Variants in CD276 observed in about 807,000 individuals in gnomAD.
The protein encoded by CD276 is CD276 antigen.
In CD276, 34 loss-of-function variants were observed where a neutral mutation model predicts 50.0. That is an observed-to-expected ratio of 0.68 (90% CI 0.52 to 0.91). The LOEUF (loss-of-function observed/expected upper bound fraction) is 0.91. Among genes scored for constraint, CD276 ranks in the 40% least tolerant of loss-of-function variants. CD276 has a pLI of 0.00. For synonymous variants in CD276, 275 were observed against 313.0 expected, an observed-to-expected ratio of 0.88 and a Z score of 1.28; for missense variants, 634 against 717.5, an observed-to-expected ratio of 0.88 and a Z score of 1.33.
At chr15:73,703,397 C>T (rs797003051) in intron 4 of CD276, among the ~76,000 whole-genome samples, 11 of 152,208 alleles carry the variant, frequency 7.2e-5, no homozygotes, top group Admixed American at 2.6e-4. Context: ...AGGGCTGGAG[C>T]TGGTGAGAGT....
Position 73,702,761 on chromosome 15 carries a change from G to C in CD276, c.419-11G>C, listed in dbSNP as rs1286351853. ...GCCCTGCCCTTGACCCCTGCCCTCT[G>C]TCACCTCCAGCTCCCTACTCGAAGC... is the stretch of plus-strand genomic sequence containing the variant. On this transcript the variant is annotated splice_polypyrimidine_tract_variant and intron_variant, in intron 3 of 9. Transcript: ENST00000318443. 1.2e-6 allele frequency: 2 copies of C among 1,606,522 alleles called. No homozygotes were observed. The highest frequency in any genetic ancestry group is 1.7e-5 in the Admixed American group (1 of 59,194).
rs1900051980 is a variant in CD276 at position 73,693,272 on chromosome 15, T to C, written c.-54-6314T>C. 2.0e-5 allele frequency among the ~76,000 whole-genome samples: 3 copies of C among 152,168 alleles called. No homozygotes were observed. The South Asian group carries it at 6.2e-4, about 31-fold the overall frequency. On this transcript the variant is annotated intron_variant, in intron 1 of 9. Coordinates refer to ENST00000318443, the MANE Select transcript of CD276 (RefSeq NM_001024736.2). Reference sequence around the variant, plus strand: ...CTTTTTTTAATCCACCAACAAATTATTGAGCATTGTCTATGCACCAGAACA... The same window carrying C: ...CTTTTTTTAATCCACCAACAAATTACTGAGCATTGTCTATGCACCAGAACA...
At chr15:73,700,551 C>A (rs995828509) in intron 2 of CD276, among the ~76,000 whole-genome samples, 1 of 152,158 alleles carries the variant, frequency 6.6e-6, no homozygotes, top group Non-Finnish European at 1.5e-5. Context: ...ATGTCCCCTC[C>A]AAGGGGCACC....
Position 73,703,971 on chromosome 15 carries a change from G to A in CD276, c.1046G>A (p.Ser349Asn), listed in dbSNP as rs968897205. 1.9e-6 allele frequency: 3 copies of A among 1,610,958 alleles called. No homozygotes were observed. Among genetic ancestry groups the A allele is most frequent in the Non-Finnish European group, 2.5e-6 (3 of 1,179,430 alleles). ...TCFVSIRDFG[S>N]AAVSLQVAAP... The stretch of plus-strand genomic sequence containing the variant: ...TTCGTGAGCATCCGGGATTTCGGCA[G>A]CGCTGCCGTCAGCCTGCAGGTGGCC... Residue 349 changes from serine to asparagine, a missense_variant, in exon 5 of 10, where the codon AGC becomes AAC. Physicochemically the swap from Ser to Asn is conservative, Grantham distance 46. Coordinates refer to ENST00000318443, the MANE Select transcript of CD276 (RefSeq NM_001024736.2).
chr15:73,711,575 T>A (rs769624444), intron 9 of CD276: 2 of 190,888 alleles, frequency 1.0e-5, no homozygotes, highest in Non-Finnish European at 2.2e-5. Context: ...AGGAAGGATA[T>A]GTTTCCTTCT....
At chr15:73,700,593 C>T (rs949440301) in intron 2 of CD276, among the ~76,000 whole-genome samples, 3 of 152,188 alleles carry the variant, frequency 2.0e-5, no homozygotes, top group Admixed American at 6.5e-5. Context: ...GAGAACTGGC[C>T]TGGGGCACCA....
chr15:73,707,769 G>A (rs573137822), intron 6 of CD276, among the ~76,000 whole-genome samples: 1 of 152,288 alleles, frequency 6.6e-6, no homozygotes, highest in South Asian at 2.1e-4. Flanking sequence ...TTGGCCCATG[G>A]GCTGTAGTTT....
rs548667844 is a variant in CD276 at position 73,703,794 on chromosome 15, C to T, written c.869C>T (p.Thr290Ile). The T allele has an allele frequency of 6.2e-7, 1 of 1,613,720 alleles. No homozygotes were observed. Among genetic ancestry groups the T allele is most frequent in the African/African-American group, 1.3e-5 (1 of 75,062 alleles). Residue 290 changes from threonine to isoleucine, a missense_variant, in exon 5 of 10, where the codon ACC becomes ATC. Thr to Ile is a moderately conservative substitution (Grantham distance 89). Coordinates refer to ENST00000318443, the MANE Select transcript of CD276 (RefSeq NM_001024736.2). Reference protein sequence around the residue: ...QLNLIWQLTDTKQLVHSFTEG... With the variant: ...QLNLIWQLTDIKQLVHSFTEG... ...AACCTCATCTGGCAGCTGACAGACA[C>T]CAAACAGCTGGTGCACAGTTTCACC...
At chr15:73,695,671 A>T (rs562019932) in intron 1 of CD276, among the ~76,000 whole-genome samples, 1 of 152,224 alleles carries the variant, frequency 6.6e-6, no homozygotes, top group Non-Finnish European at 1.5e-5. Flanking sequence ...GTTGCAGACA[A>T]TAGAAACTTA....
rs1175580166 is a variant in CD276 at position 73,714,115 on chromosome 15, T to C, written c.*1159T>C. 3.5e-6 allele frequency: 1 copy of C among 282,306 alleles called. No homozygotes were observed. The highest frequency in any genetic ancestry group is 1.7e-4 in the East Asian group (1 of 5,866). 17.5% of individuals were successfully genotyped at this position (282,306 alleles called of 1,614,324 possible). A position where few individuals can be genotyped will look rare whatever the true frequency, so the allele number is the denominator to read the frequency against. ...GGGCGGAAACCTGGAGAGAGGGACA[T>C]AGCCCCTCGCCACGGCTAGAGAATC... On this transcript the variant is annotated 3_prime_UTR_variant, in exon 10 of 10. Transcript: ENST00000318443.
In CD276 at chr15:73,702,324, G is replaced by A; in HGVS notation, c.149G>A (p.Cys50Tyr). The A allele has an allele frequency of 6.2e-7, 1 of 1,613,454 alleles. No homozygotes were observed. The highest frequency in any genetic ancestry group is 8.5e-7 in the Non-Finnish European group (1 of 1,179,990). The stretch of plus-strand genomic sequence containing the variant: ...GTGGGCACCGATGCCACCCTGTGCT[G>A]CTCCTTCTCCCCTGAGCCTGGCTTC... ...ALVGTDATLC[C>Y]SFSPEPGFSL... The change falls in exon 3 of 10, where the codon TGC (cysteine) becomes TAC (tyrosine). Residue 50 changes from cysteine (C) to tyrosine (Y), a missense_variant. Physicochemically the swap from Cys to Tyr is radical, Grantham distance 194. Transcript: ENST00000318443.
intron 1 of CD276, among the ~76,000 whole-genome samples, chr15:73,696,521 C>T (rs1423862373): frequency 6.6e-6 from 1 of 152,156 alleles, no homozygotes; most frequent in African/African-American, 2.4e-5. Flanking sequence ...CTCTCCAGGG[C>T]AGGTTTCCAG....
chr15:73,685,872 A>G (rs1595999546), intron 1 of CD276, among the ~76,000 whole-genome samples: 1 of 152,270 alleles, frequency 6.6e-6, no homozygotes, highest in African/African-American at 2.4e-5. Context: ...GCAGGGCAGG[A>G]TGGAGGGCTA....
chr15:73,687,344 G>C lies in CD276; in HGVS notation c.-55+2884G>C, dbSNP rs1596000604. On this transcript the variant is annotated intron_variant, in intron 1 of 9. Transcript: ENST00000318443. The surrounding 1 kb of genome is among the most constrained non-coding windows in gnomAD (Gnocchi z 4.0). ...TTGGGGAAACTGAGGCCCAGAAAGG[G>C]TAAGTCACATGCCCAAAGACACACA... Among the ~76,000 whole-genome samples the C allele has an allele frequency of 6.6e-6, 1 of 152,280 alleles. No homozygotes were observed. Among genetic ancestry groups the C allele is most frequent in the East Asian group, 1.9e-4 (1 of 5,180 alleles).
chr15:73,700,568 C>T (rs759026454), intron 2 of CD276, among the ~76,000 whole-genome samples: 1 of 152,116 alleles, frequency 6.6e-6, no homozygotes, highest in African/African-American at 2.4e-5. Flanking sequence ...CACCCTGGTT[C>T]GACTGACAGG....
rs981132326 is a variant in CD276 at position 73,704,453 on chromosome 15, C to T, written c.1350C>T (p.His450=). The T allele has an allele frequency of 1.2e-5, 19 of 1,613,380 alleles. No homozygotes were observed. The highest frequency in any genetic ancestry group is 5.0e-5 in the Admixed American group (3 of 59,934). Residue 450 remains histidine (H), a synonymous_variant, in exon 6 of 10, where the codon CAC becomes CAT. Transcript: ENST00000318443. This position sits in a 1 kb window ranked among gnomAD's most constrained non-coding sequence, Gnocchi z 4.1. ...ACCCCGTGCTGCAGCAGGATGCGCA[C>T]GGCTCTGTCACCATCACAGGTAAGG... ...VRNPVLQQDA[H]GSVTITGQPM... is the part of the protein sequence containing the mutation.
At chr15:73,685,106 A>T (rs1233822101) in intron 1 of CD276, 1 of 147,108 alleles carries the variant, frequency 6.8e-6, no homozygotes, top group African/African-American at 2.5e-5. Flanking sequence ...GGCAGGGGCC[A>T]CGGGGTGAAT....
intron 1 of CD276, chr15:73,697,805 G>A (rs904294008): frequency 2.6e-5 from 4 of 151,992 alleles, no homozygotes; most frequent in Non-Finnish European, 4.4e-5. Flanking sequence ...CTGACCTCGT[G>A]ATCCACCCAC....
chr15:73,704,532 C>G lies in CD276; in HGVS notation c.1369+60C>G. The G allele has an allele frequency of 1.9e-6, 3 of 1,541,354 alleles. No individual in the cohort carries two copies. Among genetic ancestry groups the G allele is most frequent in the Non-Finnish European group, 2.6e-6 (3 of 1,141,232 alleles). On this transcript the variant is annotated intron_variant, in intron 6 of 9. Transcript: ENST00000318443. The surrounding 1 kb of genome is among the most constrained non-coding windows in gnomAD (Gnocchi z 4.1). ...CGAGTAACTCCCTCTTTACTGGACCCTAACGTGGAATTTCCATAGGTTTGG... is the reference window on the plus strand; with the variant it reads ...CGAGTAACTCCCTCTTTACTGGACCGTAACGTGGAATTTCCATAGGTTTGG...
Sources: allele counts gnomAD v4.1 joint callset (sites outside exome capture counted in the v4.1 genomes callset), GRCh38; gene constraint gnomAD v4.1.1; non-coding constraint Gnocchi (gnomAD v3.1); transcripts MANE v1.5; gene names NCBI Gene and HGNC (gene_info 2026-07-23, HGNC 2026-07-21).